Variants in MORN1 observed in about 807,000 individuals in gnomAD.
The protein encoded by MORN1 is MORN repeat-containing protein 1.
Under a neutral mutation model 61.9 loss-of-function variants are expected in MORN1, and 67 were observed. The ratio of observed to expected loss-of-function variants is 1.08; its 90% CI spans 0.89 to 1.33. MORN1 has a LOEUF of 1.33. Among genes scored for constraint, MORN1 ranks in the 40% most tolerant of loss-of-function variants. MORN1 has a pLI of 0.00. For synonymous variants in MORN1, 301 were observed against 292.0 expected (o/e 1.03, Z -0.31); for missense variants, 752 against 691.2 (o/e 1.09, Z -0.99).
chr1:2,357,286 GCCT>G lies in MORN1; in HGVS notation c.1036+143_1036+145del, dbSNP rs1641796231. ...CTGGGGATGTGGGCTGCCCGGCCCT[GCCT>G]CCTTTCACCCACGCGTGATGACTGA... On this transcript the variant is annotated intron_variant, in intron 10 of 13. Coordinates refer to ENST00000378531, the MANE Select transcript of MORN1 (RefSeq NM_024848.3). The surrounding 1 kb of genome is among the most constrained non-coding windows in gnomAD (Gnocchi z 6.3). The G allele has an allele frequency of 4.9e-6, 4 of 824,460 alleles. No individual in the cohort carries two copies. In the South Asian group the frequency reaches 7.7e-5, roughly 16 times the overall value. The allele number at this position is 824,460 out of a possible 1,614,324, so 51.1% of individuals were successfully genotyped here.
chr1:2,323,975 T>C, intron 13 of MORN1, 122 bp downstream of exon 13: 1 of 1,233,656 alleles, frequency 8.1e-7, no homozygotes, highest in Non-Finnish European at 1.0e-6. Flanking sequence ...CCCCACCCAC[T>C]GCCACCTACC....
chr1:2,328,592 T>C (rs1475260203), intron 12 of MORN1, among the ~76,000 whole-genome samples: 1 of 152,210 alleles, frequency 6.6e-6, no homozygotes, highest in Non-Finnish European at 1.5e-5. Flanking sequence ...AGGCACGCCC[T>C]GCGGCTTTCT....
At chr1:2,370,162 G>A (rs915863989) in intron 8 of MORN1, among the ~76,000 whole-genome samples, 2 of 152,238 alleles carry the variant, frequency 1.3e-5, no homozygotes, top group African/African-American at 2.4e-5. Flanking sequence ...CAGATCAGTG[G>A]AGCAGACGGG....
At chr1:2,371,658 T>G (rs1007906743) in intron 8 of MORN1, 1 of 152,464 alleles carries the variant, frequency 6.6e-6, no homozygotes, top group African/African-American at 2.4e-5. Context: ...ACGCCTGTAA[T>G]CCCAGCACTT....
chr1:2,357,719 C>T lies in MORN1; in HGVS notation c.870-121G>A. On this transcript the variant is annotated intron_variant, in intron 9 of 13. Transcript: ENST00000378531. The surrounding 1 kb of genome is among the most constrained non-coding windows in gnomAD (Gnocchi z 6.3). ...CCTACACTGAGTCCAGGGAGCGCTA[C>T]TCAGCCTCTCTGGGAGGTCTCCTGC... 1 of 1,177,346 alleles carries T rather than the reference C, an allele frequency of 8.5e-7. No individual in the cohort carries two copies. The highest frequency in any genetic ancestry group is 1.1e-6 in the Non-Finnish European group (1 of 883,148). The allele number at this position is 1,177,346 out of a possible 1,614,324, so 72.9% of individuals were successfully genotyped here.
chr1:2,337,498 G>A lies in MORN1; in HGVS notation c.1037-648C>T, dbSNP rs966871523. The stretch of plus-strand genomic sequence containing the variant: ...TAGCTTTTTCCAGCCCCTCTCCCGG[G>A]GTCCCAGGGTGCGAGGTATGGGGGC... On this transcript the variant is annotated intron_variant, in intron 10 of 13. Transcript: ENST00000378531. The surrounding 1 kb of genome is among the most constrained non-coding windows in gnomAD (Gnocchi z 5.7). Among the ~76,000 whole-genome samples, 1 of 152,216 alleles carries A rather than the reference G, an allele frequency of 6.6e-6. No homozygotes were observed. Among genetic ancestry groups the A allele is most frequent in the African/African-American group, 2.4e-5 (1 of 41,458 alleles).
At chr1:2,360,480 G>T (rs1456617857) in intron 8 of MORN1, among the ~76,000 whole-genome samples, 1 of 152,198 alleles carries the variant, frequency 6.6e-6, no homozygotes, top group East Asian at 1.9e-4. Context: ...AAAAGAACGT[G>T]CAGGATGAGC....
Position 2,381,951 on chromosome 1 carries a change from C to T in MORN1, c.537+3027G>A, listed in dbSNP as rs571336641. Among the ~76,000 whole-genome samples, 187 of 152,282 alleles carry T rather than the reference C, an allele frequency of 1.2e-3. No homozygotes were observed. In the Middle Eastern group the frequency reaches 0.014, roughly 11 times the overall value. On this transcript the variant is annotated intron_variant, in intron 6 of 13. Transcript: ENST00000378531. ...GGTGGATGCGCTGAGCACCCTGGTGCTGTCAGCCCAGGAGGGAGGGCGCCG... is the reference window on the plus strand; with the variant it reads ...GGTGGATGCGCTGAGCACCCTGGTGTTGTCAGCCCAGGAGGGAGGGCGCCG...
intron 10 of MORN1, among the ~76,000 whole-genome samples, chr1:2,354,914 A>G (rs1641726628): frequency 6.6e-6 from 1 of 152,188 alleles, no homozygotes; most frequent in African/African-American, 2.4e-5. Context: ...TACAAAAACA[A>G]AAGCACGTTC....
intron 13 of MORN1, chr1:2,323,783 T>A (rs955180163): frequency 5.1e-6 from 5 of 985,246 alleles, no homozygotes; most frequent in Admixed American, 6.2e-5. Flanking sequence ...CGGCTCCCCT[T>A]GGACCCCAAG....
intron 6 of MORN1, 84 bp downstream of exon 6, chr1:2,384,894 T>C (rs1642454706): frequency 2.5e-6 from 3 of 1,211,992 alleles, no homozygotes; most frequent in East Asian, 5.3e-5. Context: ...GCTGCCAGGG[T>C]GAGGCTCCCC....
intron 8 of MORN1, among the ~76,000 whole-genome samples, chr1:2,370,742 C>T (rs1012321510): frequency 8.0e-5 from 12 of 150,254 alleles, no homozygotes; most frequent in Admixed American, 8.0e-4. Context: ...GTGGTGCAGT[C>T]ACGGGGCTCA....
intron 12 of MORN1, among the ~76,000 whole-genome samples, chr1:2,330,362 C>T (rs1045961947): frequency 1.3e-5 from 2 of 152,214 alleles, no homozygotes; most frequent in Non-Finnish European, 2.9e-5. Flanking sequence ...TCTCCTGGCT[C>T]CTGTCACCTC....
chr1:2,323,555 A>C, intron 13 of MORN1: 1 of 985,272 alleles, frequency 1.0e-6, no homozygotes, highest in Non-Finnish European at 1.2e-6. Context: ...GGGGGGTGCC[A>C]GGCCCAGGCT....
intron 10 of MORN1, among the ~76,000 whole-genome samples, chr1:2,343,300 C>T (rs374072754): frequency 3.3e-4 from 51 of 152,324 alleles, no homozygotes; most frequent in Non-Finnish European, 5.3e-4. Flanking sequence ...CGTGCCCGCC[C>T]GCTCCTCGCC....
chr1:2,352,980 C>T (rs1641683942), intron 10 of MORN1, among the ~76,000 whole-genome samples: 1 of 152,200 alleles, frequency 6.6e-6, no homozygotes, highest in Non-Finnish European at 1.5e-5. Context: ...CCCTGCGTCC[C>T]ATGGCCCCCA....
At position 2,334,534 on chromosome 1, in the gene MORN1, G is replaced by A. The variant is rs1469525735; in HGVS notation, c.1250+1935C>T. On this transcript the variant is annotated intron_variant, in intron 12 of 13. Transcript: ENST00000378531. The surrounding 1 kb of genome is among the most constrained non-coding windows in gnomAD (Gnocchi z 5.4). ...CATGGAGAGGCGGGGCTCCCTTGGG[G>A]GAGCAGGCCTGGTTTTGGGCTGCCT... 2.6e-5 allele frequency among the ~76,000 whole-genome samples: 4 copies of A among 152,156 alleles called. No individual in the cohort carries two copies. The East Asian group carries it at 7.7e-4, about 29-fold the overall frequency.
In MORN1 at chr1:2,366,850, T is replaced by C. The variant is rs182863424; in HGVS notation, c.745+5631A>G. ...TGCACCCAGCAAGGCAAATCTATCATAGTCAGATATTTCAATATGCTACTC... is the reference window on the plus strand; with the variant it reads ...TGCACCCAGCAAGGCAAATCTATCACAGTCAGATATTTCAATATGCTACTC... On this transcript the variant is annotated intron_variant, in intron 8 of 13. Transcript: ENST00000378531. Among the ~76,000 whole-genome samples the C allele has an allele frequency of 4.6e-5, 7 of 152,214 alleles. No homozygotes were observed. In the East Asian group the frequency reaches 1.3e-3, roughly 29 times the overall value.
intron 10 of MORN1, among the ~76,000 whole-genome samples, chr1:2,342,965 C>A (rs1641435015): frequency 6.7e-6 from 1 of 150,146 alleles, no homozygotes; most frequent in East Asian, 2.0e-4. Flanking sequence ...CCTTGAACTC[C>A]TGAGTTCAAG....
Sources: gnomAD v4.1 joint callset for allele counts (sites outside exome capture counted in the v4.1 genomes callset) on GRCh38, gnomAD v4.1.1 for gene constraint, Gnocchi (gnomAD v3.1) non-coding constraint, MANE v1.5 for transcripts, NCBI Gene and HGNC (gene_info 2026-07-23, HGNC 2026-07-21) for gene names.